The following PAPSS1 variants were observed in gnomAD, a reference collection of about 807,000 sequenced individuals.
PAPSS1 encodes 3'-phosphoadenosine 5'-phosphosulfate synthase 1, also known as bifunctional 3'-phosphoadenosine 5'-phosphosulfate synthase 1.
PAPSS1 carries 50 observed loss-of-function variants against 72.0 expected under a neutral mutation model. The ratio of observed to expected loss-of-function variants is 0.69; its 90% CI spans 0.55 to 0.88. The LOEUF is 0.88. Among genes scored for constraint, PAPSS1 ranks in the 40% least tolerant of loss-of-function variants. The pLI is 0.00. For synonymous variants in PAPSS1, 261 were observed against 263.6 expected (o/e 0.99, Z 0.09); for missense variants, 657 against 782.2 (o/e 0.84, Z 1.91).
rs78438696 is a variant in PAPSS1 at position 107,691,505 on chromosome 4, T to C, written c.411+2266A>G. 2.7e-3 allele frequency among the ~76,000 whole-genome samples: 408 copies of C among 152,152 alleles called. 1 individual carries two copies. The highest frequency in any genetic ancestry group is 0.01 in the East Asian group (54 of 5,170). On this transcript the variant is annotated intron_variant, in intron 3 of 11. Transcript: ENST00000265174. The stretch of plus-strand genomic sequence containing the variant: ...CTGATATCAGGGCTTCCCAAGGGAG[T>C]ATGCTATTGTTCAACAAACACTAAT...
chr4:107,659,690 C>CT (rs563457229), intron 6 of PAPSS1, among the ~76,000 whole-genome samples: 33 of 152,210 alleles, frequency 2.2e-4, no homozygotes, highest in Admixed American at 1.0e-3. Flanking sequence ...TCTGATAAGC[C>CT]TAAGGATCTC....
At chr4:107,645,451 A>G (rs1462340872) in intron 9 of PAPSS1, among the ~76,000 whole-genome samples, 2 of 152,168 alleles carry the variant, frequency 1.3e-5, no homozygotes, top group Non-Finnish European at 2.9e-5. Context: ...TACCCACCAG[A>G]TCAATCCCTC....
intron 11 of PAPSS1, among the ~76,000 whole-genome samples, chr4:107,625,459 C>A (rs1405252831): frequency 6.6e-6 from 1 of 152,090 alleles, no homozygotes; most frequent in African/African-American, 2.4e-5. Flanking sequence ...CAAAAAAAGA[C>A]CAAAAGTGGC....
At chr4:107,703,151 T>C (rs750362648) in intron 1 of PAPSS1, among the ~76,000 whole-genome samples, 7 of 152,228 alleles carry the variant, frequency 4.6e-5, no homozygotes, top group Non-Finnish European at 7.3e-5. Flanking sequence ...TGTTGGCTAT[T>C]TGTCTATCTT....
intron 5 of PAPSS1, among the ~76,000 whole-genome samples, chr4:107,673,155 TCTC>T (rs1727539600): frequency 2.0e-5 from 3 of 152,120 alleles, no homozygotes; most frequent in Middle Eastern, 3.4e-3. Flanking sequence ...TCAGAGCACC[TCTC>T]CTCCTCCAAA....
chr4:107,620,662 C>A (rs1300762913), intron 11 of PAPSS1, among the ~76,000 whole-genome samples: 1 of 152,162 alleles, frequency 6.6e-6, no homozygotes, highest in African/African-American at 2.4e-5. Context: ...CCTCTTCCCC[C>A]TCCCCAGGGC....
At chr4:107,620,323 T>C in intron 11 of PAPSS1, among the ~76,000 whole-genome samples, 1 of 152,218 alleles carries the variant, frequency 6.6e-6, no homozygotes, top group Admixed American at 6.5e-5. Flanking sequence ...TTCTTAAGAC[T>C]GGGATTAAAA....
intron 3 of PAPSS1, among the ~76,000 whole-genome samples, chr4:107,690,130 A>G (rs567336533): frequency 2.0e-5 from 3 of 152,312 alleles, no homozygotes; most frequent in African/African-American, 7.2e-5. Flanking sequence ...CCAGGCTTCA[A>G]GGATGACCTC....
intron 5 of PAPSS1, among the ~76,000 whole-genome samples, chr4:107,679,459 A>C (rs1727744570): frequency 1.3e-5 from 2 of 152,168 alleles, no homozygotes; most frequent in African/African-American, 4.8e-5. Context: ...GGGCTAAATC[A>C]ACCTACTACA....
chr4:107,650,617 C>T (rs1440190745), intron 9 of PAPSS1, among the ~76,000 whole-genome samples: 3 of 152,140 alleles, frequency 2.0e-5, no homozygotes, highest in Non-Finnish European at 4.4e-5. Context: ...GGGAAGTGTA[C>T]ATATAATAAA....
chr4:107,693,013 C>A (rs937706282), intron 3 of PAPSS1, among the ~76,000 whole-genome samples: 1 of 152,016 alleles, frequency 6.6e-6, no homozygotes, highest in Non-Finnish European at 1.5e-5. Flanking sequence ...GGAGGGAGAA[C>A]ATCAGGAAGA....
intron 5 of PAPSS1, among the ~76,000 whole-genome samples, chr4:107,680,577 T>C (rs1727779186): frequency 1.3e-5 from 2 of 152,194 alleles, no homozygotes; most frequent in Admixed American, 6.5e-5. Flanking sequence ...TTAAACACTC[T>C]TATGTCTGTT....
At chr4:107,690,245 C>A (rs972616396) in intron 3 of PAPSS1, among the ~76,000 whole-genome samples, 7 of 152,166 alleles carry the variant, frequency 4.6e-5, no homozygotes, top group African/African-American at 1.4e-4. Context: ...ACCACCTAGC[C>A]TCTGCAAATT....
chr4:107,710,797 GGACA>G (rs986484319), intron 1 of PAPSS1, among the ~76,000 whole-genome samples: 1 of 152,156 alleles, frequency 6.6e-6, no homozygotes, highest in African/African-American at 2.4e-5. Context: ...CTGCAAAGAT[GGACA>G]GCTCTGGCTC....
intron 11 of PAPSS1, among the ~76,000 whole-genome samples, chr4:107,630,270 T>C (rs1452596062): frequency 6.6e-6 from 1 of 152,242 alleles, no homozygotes; most frequent in Non-Finnish European, 1.5e-5. Context: ...CACAAACTTT[T>C]TGAAGTCCCC....
At chr4:107,621,383 T>C (rs1725949804) in intron 11 of PAPSS1, among the ~76,000 whole-genome samples, 1 of 152,146 alleles carries the variant, frequency 6.6e-6, no homozygotes, top group African/African-American at 2.4e-5. Context: ...GTTAGATTAA[T>C]GTATAAAGAG....
chr4:107,665,067 T>C (rs1219076864), intron 5 of PAPSS1, among the ~76,000 whole-genome samples: 1 of 152,200 alleles, frequency 6.6e-6, no homozygotes, highest in Admixed American at 6.5e-5. Context: ...ACTGTTTTTC[T>C]CTTCTAAAAA....
At chr4:107,683,548 C>T (rs1012858216) in intron 4 of PAPSS1, among the ~76,000 whole-genome samples, 1 of 152,110 alleles carries the variant, frequency 6.6e-6, no homozygotes, top group Non-Finnish European at 1.5e-5. Context: ...GCTTGACAAG[C>T]ACTGGGTTAG....
intron 11 of PAPSS1, among the ~76,000 whole-genome samples, chr4:107,623,203 A>G: frequency 6.6e-6 from 1 of 152,262 alleles, no homozygotes; most frequent in East Asian, 1.9e-4. Context: ...CACTACAAGT[A>G]TACTGACTTT....
Sources: allele counts gnomAD v4.1 joint callset (sites outside exome capture counted in the v4.1 genomes callset), GRCh38; gene constraint gnomAD v4.1.1; transcripts MANE v1.5; gene names NCBI Gene and HGNC (gene_info 2026-07-23, HGNC 2026-07-21).